Variants in NDUFAF2 observed in about 807,000 individuals in gnomAD.
NDUFAF2 encodes the protein NADH dehydrogenase [ubiquinone] 1 alpha subcomplex assembly factor 2.
In NDUFAF2, 13 loss-of-function variants were observed where a neutral mutation model predicts 22.8. The observed-to-expected ratio is 0.57, with a 90% CI of 0.37 to 0.91. The LOEUF is 0.91. Among genes scored for constraint, NDUFAF2 ranks in the 40% least tolerant of loss-of-function variants. NDUFAF2 has a pLI of 0.01. For synonymous variants in NDUFAF2, 53 were observed against 64.2 expected (o/e 0.83, Z 0.84); for missense variants, 162 against 195.2 (o/e 0.83, Z 1.01).
chr5:61,129,824 A>G lies in NDUFAF2; in HGVS notation c.259-22880A>G, dbSNP rs115123697. On this transcript the variant is annotated intron_variant, in intron 3 of 3. Coordinates refer to ENST00000296597, the MANE Select transcript of NDUFAF2 (RefSeq NM_174889.5). ...GAAAAGTACTTATAAGTAAAAAATAATAGTAGAAAATAAATGCTATTATCA... is the reference window on the plus strand; with the variant it reads ...GAAAAGTACTTATAAGTAAAAAATAGTAGTAGAAAATAAATGCTATTATCA... Among the ~76,000 whole-genome samples the G allele has an allele frequency of 3.0e-3, 458 of 152,120 alleles. 2 individuals carry two copies. The highest frequency in any genetic ancestry group is 0.011 in the African/African-American group (442 of 41,548).
At chr5:61,017,448 C>T (rs1751526641) in intron 1 of NDUFAF2, among the ~76,000 whole-genome samples, 1 of 150,912 alleles carries the variant, frequency 6.6e-6, no homozygotes, top group Non-Finnish European at 1.5e-5. Flanking sequence ...ATGTTTGAGA[C>T]AAAAAAATGA....
intron 3 of NDUFAF2, among the ~76,000 whole-genome samples, chr5:61,112,443 AC>A (rs1431719817): frequency 1.3e-5 from 2 of 151,662 alleles, no homozygotes; most frequent in Non-Finnish European, 2.9e-5. Flanking sequence ...CGATCTTCTG[AC>A]CTCGTGATCC....
chr5:60,970,338 G>T (rs1439149897), intron 1 of NDUFAF2, among the ~76,000 whole-genome samples: 1 of 152,086 alleles, frequency 6.6e-6, no homozygotes, highest in Non-Finnish European at 1.5e-5. Flanking sequence ...TAACAGAATT[G>T]ATTCTTCCCA....
chr5:61,055,074 A>G (rs747448659), intron 1 of NDUFAF2, among the ~76,000 whole-genome samples: 20 of 152,210 alleles, frequency 1.3e-4, no homozygotes, highest in Non-Finnish European at 2.5e-4. Context: ...AGACAAGGAG[A>G]TGTATATTAA....
chr5:60,973,282 T>C (rs114022555), intron 1 of NDUFAF2, among the ~76,000 whole-genome samples: 122 of 152,280 alleles, frequency 8.0e-4, no homozygotes, highest in Admixed American at 1.4e-3. Context: ...ATGTCTGTAG[T>C]CTTGAATCTT....
intron 3 of NDUFAF2, among the ~76,000 whole-genome samples, chr5:61,119,042 T>G (rs1752946017): frequency 6.6e-6 from 1 of 152,132 alleles, no homozygotes; most frequent in African/African-American, 2.4e-5. Flanking sequence ...AACCTTATAA[T>G]TACATATTTT....
intron 1 of NDUFAF2, among the ~76,000 whole-genome samples, chr5:60,978,355 G>T (rs1464179356): frequency 1.3e-5 from 2 of 152,174 alleles, no homozygotes; most frequent in Non-Finnish European, 2.9e-5. Flanking sequence ...CTGAGACTGG[G>T]TAATTTATGG....
chr5:61,044,208 T>C (rs1329438431), intron 1 of NDUFAF2, among the ~76,000 whole-genome samples: 1 of 152,118 alleles, frequency 6.6e-6, no homozygotes, highest in East Asian at 1.9e-4. Flanking sequence ...GTTATTTTTT[T>C]TTTTACTGTT....
chr5:60,984,404 G>A (rs1209547236), intron 1 of NDUFAF2, among the ~76,000 whole-genome samples: 15 of 151,520 alleles, frequency 9.9e-5, no homozygotes, highest in East Asian at 2.0e-4. Context: ...TCTCCTGCCT[G>A]ATTGCCCTGG....
rs1491236283 is a variant in NDUFAF2 at position 61,040,302 on chromosome 5, G to GC, written c.128-32823_128-32822insC. 2.4e-3 allele frequency among the ~76,000 whole-genome samples: 352 copies of GC among 146,440 alleles called. 1 individual carries two copies. The highest frequency in any genetic ancestry group is 7.9e-3 in the African/African-American group (312 of 39,716). On this transcript the variant is annotated intron_variant, in intron 1 of 3. Coordinates refer to ENST00000296597, the MANE Select transcript of NDUFAF2 (RefSeq NM_174889.5). Reference sequence around the variant, plus strand: ...CACACACACACGCGCGCGCGCGCGCGAAAGTTGAAAGCAGAGATTGGAGTA... The same window carrying GC: ...CACACACACACGCGCGCGCGCGCGCGCAAAGTTGAAAGCAGAGATTGGAGTA...
At chr5:61,138,880 A>G (rs1024567047) in intron 3 of NDUFAF2, among the ~76,000 whole-genome samples, 2 of 152,206 alleles carry the variant, frequency 1.3e-5, no homozygotes, top group African/African-American at 4.8e-5. Context: ...AGCCTAAGGC[A>G]TCTTTGGACA....
intron 1 of NDUFAF2, among the ~76,000 whole-genome samples, chr5:61,067,380 A>G (rs901031179): frequency 4.1e-5 from 6 of 146,188 alleles, no homozygotes; most frequent in African/African-American, 1.0e-4. Context: ...TCATTGTTCA[A>G]TTCCCACCTA....
intron 1 of NDUFAF2, among the ~76,000 whole-genome samples, chr5:61,005,114 T>C (rs1751348942): frequency 6.6e-6 from 1 of 151,920 alleles, no homozygotes; most frequent in African/African-American, 2.4e-5. Flanking sequence ...CAGACCCCGG[T>C]GTGCGATGTT....
intron 1 of NDUFAF2, among the ~76,000 whole-genome samples, chr5:61,070,625 A>ACACACACG (rs966451869): frequency 2.7e-5 from 4 of 150,088 alleles, no homozygotes; most frequent in African/African-American, 9.7e-5. Context: ...ACACACACAC[A>ACACACACG]CACGCACTCA....
chr5:61,139,081 G>T (rs924198956), intron 3 of NDUFAF2, among the ~76,000 whole-genome samples: 1 of 152,144 alleles, frequency 6.6e-6, no homozygotes, highest in Admixed American at 6.5e-5. Context: ...TTACCATGAG[G>T]TTATATCCCG....
intron 3 of NDUFAF2, among the ~76,000 whole-genome samples, chr5:61,109,554 T>C (rs980806404): frequency 1.3e-5 from 2 of 152,230 alleles, no homozygotes; most frequent in African/African-American, 4.8e-5. Context: ...GCTTTCACTG[T>C]TTCTCTATTC....
rs546998617 is a variant in NDUFAF2, at chr5:61,022,477, T to C, written c.128-50648T>C. Among the ~76,000 whole-genome samples the C allele has an allele frequency of 2.6e-5, 4 of 152,344 alleles. No homozygotes were observed. The South Asian group carries it at 8.3e-4, about 32-fold the overall frequency. ...ATTCTTGGATAACACTTATATTTCC[T>C]TAGCTCTTTGAGGATATTATTCTGT... On this transcript the variant is annotated intron_variant, in intron 1 of 3. Transcript: ENST00000296597.
chr5:61,150,832 A>G (rs1320118549), intron 3 of NDUFAF2, among the ~76,000 whole-genome samples: 1 of 152,146 alleles, frequency 6.6e-6, no homozygotes, highest in Admixed American at 6.5e-5. Flanking sequence ...TACTTCCACT[A>G]TTTCCAGTAT....
At chr5:61,057,599 G>A (rs1752115418) in intron 1 of NDUFAF2, among the ~76,000 whole-genome samples, 2 of 152,058 alleles carry the variant, frequency 1.3e-5, no homozygotes, top group South Asian at 4.2e-4. Flanking sequence ...TACATGTAAG[G>A]GGAGGGGAGA....
Sources: gnomAD v4.1 joint callset for allele counts (sites outside exome capture counted in the v4.1 genomes callset) on GRCh38, gnomAD v4.1.1 for gene constraint, MANE v1.5 for transcripts, NCBI Gene and HGNC (gene_info 2026-07-23, HGNC 2026-07-21) for gene names.